The following ADAMTS17 variants were observed in gnomAD, a reference collection of about 807,000 sequenced individuals.
ADAMTS17 encodes the protein A disintegrin and metalloproteinase with thrombospondin motifs 17.
In ADAMTS17, 113 loss-of-function variants were observed where a neutral mutation model predicts 141.5. That is an observed-to-expected ratio of 0.80 (90% CI 0.69 to 0.93). The LOEUF is 0.93. ADAMTS17 is among the 40% of genes least tolerant of loss of function. The pLI is 0.00. For missense variants in ADAMTS17, 1,659 were observed against 1,517.9 expected, an observed-to-expected ratio of 1.09 and a Z score of -1.54; for synonymous variants, 768 against 630.6, an observed-to-expected ratio of 1.22 and a Z score of -3.27.
At chr15:100,065,303 A>C (rs2033438043) in intron 15 of ADAMTS17, among the ~76,000 whole-genome samples, 1 of 152,230 alleles carries the variant, frequency 6.6e-6, no homozygotes, top group Non-Finnish European at 1.5e-5. Context: ...CAACTTCAAA[A>C]TAATTAGTTT....
intron 18 of ADAMTS17, among the ~76,000 whole-genome samples, chr15:100,014,771 A>G (rs2061254923): frequency 6.6e-6 from 1 of 152,132 alleles, no homozygotes; most frequent in Non-Finnish European, 1.5e-5. Context: ...GGCTCATTTT[A>G]TGGCCTACCA....
chr15:99,999,298 C>T (rs1437357992), intron 18 of ADAMTS17, among the ~76,000 whole-genome samples: 1 of 152,108 alleles, frequency 6.6e-6, no homozygotes, highest in African/African-American at 2.4e-5. Context: ...GATTAGAGAC[C>T]GTAACACACA....
chr15:100,110,192 GAT>G (rs1294687515), intron 13 of ADAMTS17, among the ~76,000 whole-genome samples: 3 of 141,990 alleles, frequency 2.1e-5, no homozygotes, highest in African/African-American at 7.8e-5. Context: ...TTTATATACT[GAT>G]ATATATATAT....
intron 15 of ADAMTS17, among the ~76,000 whole-genome samples, chr15:100,060,466 C>G (rs763313904): frequency 2.0e-5 from 3 of 152,224 alleles, no homozygotes; most frequent in Non-Finnish European, 2.9e-5. Flanking sequence ...ATGAGCCATT[C>G]CAGGGAGCGA....
At chr15:100,113,472 T>C (rs1300717658) in intron 13 of ADAMTS17, among the ~76,000 whole-genome samples, 1 of 152,160 alleles carries the variant, frequency 6.6e-6, no homozygotes, top group East Asian at 1.9e-4. Context: ...GCAATACAAA[T>C]ATTTGGTTGA....
At chr15:100,096,146 A>G (rs1271669808) in intron 15 of ADAMTS17, among the ~76,000 whole-genome samples, 3 of 152,232 alleles carry the variant, frequency 2.0e-5, no homozygotes, top group Non-Finnish European at 4.4e-5. Context: ...GTTTCCGTTC[A>G]TGGCAAACTA....
chr15:100,002,459 C>T (rs1466340344), intron 18 of ADAMTS17, among the ~76,000 whole-genome samples: 1 of 151,944 alleles, frequency 6.6e-6, no homozygotes, highest in South Asian at 2.1e-4. Flanking sequence ...ACGTGAGCAG[C>T]GACTCTGGTT....
rs2060203968 is a variant in ADAMTS17, at chr15:99,971,570, A to G, written c.*2832T>C. 1 of 152,266 alleles carries G rather than the reference A, an allele frequency of 6.6e-6. No individual in the cohort carries two copies. The highest frequency in any genetic ancestry group is 6.5e-5 in the Admixed American group (1 of 15,292). The allele number at this position is 152,266 out of a possible 1,614,324, so 9.4% of individuals were successfully genotyped here. A position where few individuals can be genotyped will look rare whatever the true frequency, so the allele number is the denominator to read the frequency against. ...TTTTTTCCTTTCAAAACCAGCCCCA[A>G]AAAGTAAAACAAAAATTCCATGGGT... On this transcript the variant is annotated 3_prime_UTR_variant, in exon 22 of 22. Transcript: ENST00000268070.
At chr15:100,160,516 CCTT>C (rs1412210850) in intron 8 of ADAMTS17, among the ~76,000 whole-genome samples, 3 of 152,320 alleles carry the variant, frequency 2.0e-5, no homozygotes, top group Admixed American at 6.5e-5. Context: ...GAAAGGGGCT[CCTT>C]CTTCCCACAG....
chr15:100,280,224 A>G (rs4965622), intron 4 of ADAMTS17, among the ~76,000 whole-genome samples: 102,400 of 151,872 alleles, frequency 0.67, 35,119 homozygotes, highest in East Asian at 0.83. Context: ...TCCTTTTCTC[A>G]GACAATGGCT....
At chr15:100,035,902 A>C (rs1173525011) in intron 18 of ADAMTS17, among the ~76,000 whole-genome samples, 1 of 152,148 alleles carries the variant, frequency 6.6e-6, no homozygotes, top group Non-Finnish European at 1.5e-5. Context: ...GAATACTGTT[A>C]TTCTCTGCAT....
intron 15 of ADAMTS17, among the ~76,000 whole-genome samples, chr15:100,091,011 A>C (rs1353209178): frequency 2.5e-5 from 3 of 119,460 alleles, no homozygotes; most frequent in Non-Finnish European, 4.9e-5. Flanking sequence ...CCGTCTCAAC[A>C]AAAAAAAAAA....
intron 2 of ADAMTS17, among the ~76,000 whole-genome samples, chr15:100,332,508 T>A (rs993701930): frequency 1.4e-4 from 22 of 152,250 alleles, no homozygotes; most frequent in African/African-American, 5.3e-4. Flanking sequence ...GGAAACACCC[T>A]GGCTGTGGGT....
At chr15:100,263,431 A>G (rs1193947255) in intron 4 of ADAMTS17, among the ~76,000 whole-genome samples, 1 of 152,232 alleles carries the variant, frequency 6.6e-6, no homozygotes, top group Non-Finnish European at 1.5e-5. Flanking sequence ...TCACTGAAAT[A>G]AATTGCAATA....
intron 20 of ADAMTS17, chr15:99,978,715 G>GT (rs2060419932): frequency 6.6e-6 from 1 of 152,302 alleles, no homozygotes; most frequent in African/African-American, 2.4e-5. Context: ...CCCTGCTGGT[G>GT]TTGGGGGCAC....
intron 8 of ADAMTS17, among the ~76,000 whole-genome samples, chr15:100,166,432 G>A (rs1269630853): frequency 6.6e-6 from 1 of 152,088 alleles, no homozygotes; most frequent in Non-Finnish European, 1.5e-5. Flanking sequence ...TTAAATATCA[G>A]TTACAACATG....
chr15:100,133,425 G>T (rs146403107), intron 10 of ADAMTS17, 110 bp from the exon 11 acceptor site: 5 of 1,000,544 alleles, frequency 5.0e-6, no homozygotes, highest in African/African-American at 4.8e-5. Context: ...GATTCGAAAC[G>T]TATGGGGAAG....
At chr15:100,299,601 G>A (rs1174588520) in intron 3 of ADAMTS17, among the ~76,000 whole-genome samples, 2 of 152,146 alleles carry the variant, frequency 1.3e-5, no homozygotes, top group African/African-American at 4.8e-5. Flanking sequence ...GAGCAAGACA[G>A]GGCAAACAAA....
In ADAMTS17 at chr15:100,288,943, C is replaced by A. The variant is rs748029869; in HGVS notation, c.617-7542G>T. 1.1e-3 allele frequency among the ~76,000 whole-genome samples: 166 copies of A among 152,050 alleles called. 3 individuals are homozygous for A. The highest frequency in any genetic ancestry group is 3.2e-4 in the Non-Finnish European group (22 of 68,002). On this transcript the variant is annotated intron_variant, in intron 3 of 21. Transcript: ENST00000268070. ...TGATCTGACATCACACCTTGAGGAA[C>A]TAGAAAAACAAGAGTAAACCAACCT...
Sources: allele counts gnomAD v4.1 joint callset (sites outside exome capture counted in the v4.1 genomes callset), GRCh38; gene constraint gnomAD v4.1.1; transcripts MANE v1.5; gene names NCBI Gene and HGNC (gene_info 2026-07-23, HGNC 2026-07-21).